The following PHACTR1 variants were observed in gnomAD, a reference collection of about 807,000 sequenced individuals.
The protein encoded by PHACTR1 is phosphatase and actin regulator 1.
A neutral mutation model predicts 69.2 loss-of-function variants in PHACTR1; 16 were observed. The ratio of observed to expected loss-of-function variants is 0.23; its 90% confidence interval spans 0.16 to 0.35. The LOEUF (loss-of-function observed/expected upper bound fraction) is 0.35, where lower values mean the gene tolerates loss of function less well. Ranked by LOEUF, PHACTR1 falls within the 10% of genes least tolerant of loss-of-function variation. PHACTR1 has a pLI of 1.00. For missense variants in PHACTR1, 510 were observed against 734.7 expected (o/e 0.69, Z 3.54); for synonymous variants, 312 against 284.5 (o/e 1.10, Z -0.97).
chr6:12,791,869 A>G (rs1772327059), intron 4 of PHACTR1, among the ~76,000 whole-genome samples: 4 of 152,212 alleles, frequency 2.6e-5, no homozygotes, highest in Admixed American at 2.6e-4. Flanking sequence ...GGGTTGCACC[A>G]TAGTGGGGAA....
chr6:12,751,410 C>T (rs1226382414), intron 4 of PHACTR1, among the ~76,000 whole-genome samples: 2 of 152,156 alleles, frequency 1.3e-5, no homozygotes, highest in African/African-American at 4.8e-5. Context: ...TCACAAAGGA[C>T]CGATAATAGT....
At chr6:12,939,435 C>G (rs934446686) in intron 4 of PHACTR1, among the ~76,000 whole-genome samples, 1 of 151,932 alleles carries the variant, frequency 6.6e-6, no homozygotes, top group Non-Finnish European at 1.5e-5. Flanking sequence ...CATAGAAATC[C>G]CTGGTTTGTA....
intron 4 of PHACTR1, among the ~76,000 whole-genome samples, chr6:12,836,594 A>G (rs1778191970): frequency 6.6e-6 from 1 of 152,178 alleles, no homozygotes; most frequent in Non-Finnish European, 1.5e-5. Context: ...ACTTTATTAA[A>G]TTAATCAGGG....
At position 13,230,054 on chromosome 6, in the gene PHACTR1, G is replaced by T. The variant is rs756423380; in HGVS notation, c.1252G>T (p.Val418Phe). 5.6e-6 allele frequency: 9 copies of T among 1,610,264 alleles called. No homozygotes were observed. Among genetic ancestry groups the T allele is most frequent in the South Asian group, 5.5e-5 (5 of 90,302 alleles). The part of the protein sequence containing the change: ...SLYTSSLAMK[V>F]CRKDSLAIKL... ...TCCTACAGGCTCCCTGGCCATGAAGGTCTGCAGGAAGGACTCCTTAGCCAT... is the reference window on the plus strand; with the variant it reads ...TCCTACAGGCTCCCTGGCCATGAAGTTCTGCAGGAAGGACTCCTTAGCCAT... Residue 418 changes from valine (V) to phenylalanine (F), a missense_variant, in exon 10 of 15, where the codon GTC (valine) becomes TTC (phenylalanine). By Grantham distance (50) the Val-to-Phe change is conservative (BLOSUM62 -1). Around this residue, in one of 2 missense-constraint regions of PHACTR1, gnomAD observed 419 missense variants for 530.9 expected, o/e 0.79. Coordinates refer to ENST00000332995, the MANE Select transcript of PHACTR1 (RefSeq NM_030948.6).
At chr6:13,138,532 A>AGTGTTTGT (rs1222901166) in intron 5 of PHACTR1, among the ~76,000 whole-genome samples, 2 of 152,326 alleles carry the variant, frequency 1.3e-5, no homozygotes, top group East Asian at 3.9e-4. Context: ...AAACTGTGGT[A>AGTGTTTGT]GTGTTTGTTC....
chr6:13,268,999 A>G (rs1777220116), intron 10 of PHACTR1, among the ~76,000 whole-genome samples: 1 of 152,188 alleles, frequency 6.6e-6, no homozygotes, highest in Non-Finnish European at 1.5e-5. Flanking sequence ...CACCCATAAA[A>G]AAAAGGGGAG....
chr6:12,748,006 T>TCATCA (rs1766025018), intron 3 of PHACTR1, among the ~76,000 whole-genome samples: 1 of 152,200 alleles, frequency 6.6e-6, no homozygotes, highest in Admixed American at 6.5e-5. Context: ...TTACTAAGTA[T>TCATCA]TTCAGAGAAG....
At chr6:12,957,724 T>A (rs192281707) in intron 4 of PHACTR1, 275 of 985,576 alleles carry the variant, frequency 2.8e-4, no homozygotes, top group Non-Finnish European at 1.1e-4. Flanking sequence ...GGACCCTTCA[T>A]GCCAGATGGG....
intron 4 of PHACTR1, among the ~76,000 whole-genome samples, chr6:12,890,591 C>CAAACACATT (rs1025464124): frequency 4.6e-5 from 7 of 152,160 alleles, no homozygotes; most frequent in African/African-American, 1.7e-4. Context: ...ACAAACACAT[C>CAAACACATT]AAACACATTC....
intron 8 of PHACTR1, among the ~76,000 whole-genome samples, chr6:13,226,889 C>T (rs1769838767): frequency 6.6e-6 from 1 of 152,032 alleles, no homozygotes; most frequent in African/African-American, 2.4e-5. Flanking sequence ...AGGTGCGTGC[C>T]ACCACACCCA....
intron 10 of PHACTR1, among the ~76,000 whole-genome samples, chr6:13,254,512 G>C (rs1045593836): frequency 1.3e-5 from 2 of 152,182 alleles, no homozygotes; most frequent in Non-Finnish European, 2.9e-5. Flanking sequence ...GACTATCAAA[G>C]CAAGTGTCTC....
At chr6:13,109,145 G>A (rs1168967453) in intron 5 of PHACTR1, among the ~76,000 whole-genome samples, 1 of 151,970 alleles carries the variant, frequency 6.6e-6, no homozygotes, top group Non-Finnish European at 1.5e-5. Flanking sequence ...ATTTCAACAT[G>A]TAAACCTCAC....
At chr6:13,191,218 T>C (rs558971500) in intron 7 of PHACTR1, among the ~76,000 whole-genome samples, 1 of 148,140 alleles carries the variant, frequency 6.8e-6, no homozygotes, top group African/African-American at 2.4e-5. Flanking sequence ...ACTGTGAGCT[T>C]GGACTTTATC....
intron 4 of PHACTR1, among the ~76,000 whole-genome samples, chr6:12,806,568 C>T (rs943178872): frequency 6.6e-6 from 1 of 152,142 alleles, no homozygotes; most frequent in Admixed American, 6.6e-5. Context: ...CCTCCTGCCT[C>T]AGCCTCCCTC....
intron 4 of PHACTR1, among the ~76,000 whole-genome samples, chr6:12,753,307 T>G (rs1305012412): frequency 1.3e-5 from 2 of 152,232 alleles, no homozygotes; most frequent in African/African-American, 4.8e-5. Flanking sequence ...TACATTCCCA[T>G]GGGCTAGTGT....
chr6:12,870,337 T>C (rs951462670), intron 4 of PHACTR1, among the ~76,000 whole-genome samples: 1 of 152,190 alleles, frequency 6.6e-6, no homozygotes, highest in Non-Finnish European at 1.5e-5. Context: ...TTTTTCTTCT[T>C]TTTTTAGACT....
intron 4 of PHACTR1, among the ~76,000 whole-genome samples, chr6:12,896,182 G>T (rs1784648409): frequency 6.6e-6 from 1 of 152,208 alleles, no homozygotes; most frequent in African/African-American, 2.4e-5. Context: ...CATAGCCCTT[G>T]TGTACGTAAA....
intron 4 of PHACTR1, among the ~76,000 whole-genome samples, chr6:12,880,962 G>C (rs1043423389): frequency 2.0e-5 from 3 of 151,854 alleles, no homozygotes; most frequent in African/African-American, 4.8e-5. Context: ...ATGAAATGGC[G>C]TAGTGAAGGT....
At chr6:12,736,570 C>T (rs1764280144) in intron 3 of PHACTR1, among the ~76,000 whole-genome samples, 1 of 152,054 alleles carries the variant, frequency 6.6e-6, no homozygotes, top group African/African-American at 2.4e-5. Context: ...CAATATTTGT[C>T]CACAGCCTGT....
Sources: allele counts gnomAD v4.1 joint callset (sites outside exome capture counted in the v4.1 genomes callset), GRCh38; gene constraint gnomAD v4.1.1; regional missense constraint gnomAD v4.1.1; transcripts MANE v1.5; gene names NCBI Gene and HGNC (gene_info 2026-07-23, HGNC 2026-07-21).